The following RBMS3 variants were observed in gnomAD, a reference collection of about 807,000 sequenced individuals.
RBMS3 encodes RNA-binding motif, single-stranded-interacting protein 3.
RBMS3 carries 27 observed loss-of-function variants against 66.8 expected under a neutral mutation model. The ratio of observed to expected loss-of-function variants is 0.40; its 90% confidence interval spans 0.30 to 0.56. RBMS3 has a LOEUF of 0.56. Ranked by LOEUF, RBMS3 falls within the 20% of genes least tolerant of loss-of-function variation. The pLI is 0.40. For missense variants in RBMS3, 513 were observed against 549.5 expected (o/e 0.93, Z 0.66); for synonymous variants, 188 against 183.0 (o/e 1.03, Z -0.22).
In RBMS3 at chr3:29,281,117, T is replaced by G. The variant is rs1253047656; in HGVS notation, c.-565T>G. On this transcript the variant is annotated 5_prime_UTR_variant, in exon 1 of 15. Coordinates refer to ENST00000383767, the MANE Select transcript of RBMS3 (RefSeq NM_001003793.3). ...AGCAGCAACTAAGCTGTACAAGGTT[T>G]TTTTTTTTTTTTTTTCTTCCTTTTT... 5 of 145,074 alleles carry G rather than the reference T, an allele frequency of 3.4e-5. No homozygotes were observed. The highest frequency in any genetic ancestry group is 1.3e-4 in the African/African-American group (5 of 39,286). 9.0% of individuals were successfully genotyped at this position (145,074 alleles called of 1,614,324 possible).
At chr3:29,756,938 C>T (rs1471852179) in intron 5 of RBMS3, among the ~76,000 whole-genome samples, 1 of 152,128 alleles carries the variant, frequency 6.6e-6, no homozygotes, top group African/African-American at 2.4e-5. Flanking sequence ...TGAAAATTTC[C>T]TGAACCTTGT....
chr3:29,599,764 G>A (rs1441259750), intron 4 of RBMS3, among the ~76,000 whole-genome samples: 1 of 152,034 alleles, frequency 6.6e-6, no homozygotes, highest in Non-Finnish European at 1.5e-5. Context: ...ACTCAGAAAA[G>A]GATAGAATAA....
intron 1 of RBMS3, among the ~76,000 whole-genome samples, chr3:29,424,597 A>G (rs1199934980): frequency 6.6e-6 from 1 of 152,178 alleles, no homozygotes; most frequent in Non-Finnish European, 1.5e-5. Context: ...CTATTGTTGA[A>G]TTGCTCCTGT....
At chr3:29,875,203 A>G (rs1410103587) in intron 7 of RBMS3, among the ~76,000 whole-genome samples, 5 of 152,082 alleles carry the variant, frequency 3.3e-5, no homozygotes, top group African/African-American at 1.2e-4. Flanking sequence ...GCCTGCCACA[A>G]GATTCAGAAT....
chr3:29,398,574 T>C (rs1332372344), intron 1 of RBMS3, among the ~76,000 whole-genome samples: 1 of 152,196 alleles, frequency 6.6e-6, no homozygotes, highest in Admixed American at 6.5e-5. Flanking sequence ...GAATTAGAGA[T>C]GAAAAGATCT....
At chr3:29,428,575 A>T (rs1201043121) in intron 1 of RBMS3, among the ~76,000 whole-genome samples, 1 of 51,418 alleles carries the variant, frequency 1.9e-5, no homozygotes, top group Non-Finnish European at 3.4e-5. Flanking sequence ...CTTTCTGTTA[A>T]AAAAAAAAAA....
chr3:29,327,395 G>C (rs944626544), intron 1 of RBMS3, among the ~76,000 whole-genome samples: 2 of 152,104 alleles, frequency 1.3e-5, no homozygotes, highest in African/African-American at 4.8e-5. Flanking sequence ...AAAAGTTAAG[G>C]CTACCTCTAT....
In RBMS3 at chr3:29,673,563, A is replaced by G. The variant is rs9820823; in HGVS notation, c.400-66157A>G. Among the ~76,000 whole-genome samples the G allele has an allele frequency of 9.5e-3, 1,451 of 152,288 alleles. 21 individuals are homozygous for G. Among genetic ancestry groups the G allele is most frequent in the African/African-American group, 0.029 (1,206 of 41,548 alleles). ...TCATATAGACGCAATAAAAAATAAT[A>G]AAAGTGATATCACCACCAATCCCAC... On this transcript the variant is annotated intron_variant, in intron 4 of 14. Coordinates refer to ENST00000383767, the MANE Select transcript of RBMS3 (RefSeq NM_001003793.3).
At chr3:29,574,253 A>C (rs978359088) in intron 3 of RBMS3, among the ~76,000 whole-genome samples, 21 of 152,260 alleles carry the variant, frequency 1.4e-4, no homozygotes, top group African/African-American at 5.1e-4. Flanking sequence ...TGTTGGGTGC[A>C]CATATATTTA....
intron 2 of RBMS3, among the ~76,000 whole-genome samples, chr3:29,452,720 T>C (rs898488857): frequency 1.3e-5 from 2 of 152,152 alleles, no homozygotes; most frequent in Non-Finnish European, 2.9e-5. Context: ...GTAGGGGACC[T>C]AGGTTATAGT....
In RBMS3 at chr3:30,004,072, T is replaced by C. The variant is rs374506679; in HGVS notation, c.*210T>C. 2 of 378,444 alleles carry C rather than the reference T, an allele frequency of 5.3e-6. No individual in the cohort carries two copies. Among genetic ancestry groups the C allele is most frequent in the African/African-American group, 2.1e-5 (1 of 47,980 alleles). The allele number at this position is 378,444 out of a possible 1,614,324, so 23.4% of individuals were successfully genotyped here. A position where few individuals can be genotyped will look rare whatever the true frequency, so the allele number is the denominator to read the frequency against. On this transcript the variant is annotated 3_prime_UTR_variant, in exon 15 of 15. Coordinates refer to ENST00000383767, the MANE Select transcript of RBMS3 (RefSeq NM_001003793.3). ...TTCATGTGGTCTGACAATTTATTTTTGCCATCATTTTTTTAATTAAAGAAA... is the reference window on the plus strand; with the variant it reads ...TTCATGTGGTCTGACAATTTATTTTCGCCATCATTTTTTTAATTAAAGAAA...
chr3:29,964,665 G>A (rs1470936551), intron 12 of RBMS3, among the ~76,000 whole-genome samples: 1 of 152,040 alleles, frequency 6.6e-6, no homozygotes, highest in African/African-American at 2.4e-5. Context: ...GGGGCCAATT[G>A]TATGGTAAAA....
intron 2 of RBMS3, among the ~76,000 whole-genome samples, chr3:29,465,278 C>A (rs1042959798): frequency 1.3e-5 from 2 of 152,094 alleles, no homozygotes; most frequent in Admixed American, 1.3e-4. Flanking sequence ...ATGGATTTAT[C>A]ATTTTTAACT....
chr3:29,790,827 T>C (rs1320232561), intron 6 of RBMS3, among the ~76,000 whole-genome samples: 2 of 152,220 alleles, frequency 1.3e-5, no homozygotes, highest in African/African-American at 2.4e-5. Flanking sequence ...TACTTTGACA[T>C]TGAATAAAAT....
chr3:29,473,863 C>T (rs1045379487), intron 2 of RBMS3, among the ~76,000 whole-genome samples: 5 of 152,258 alleles, frequency 3.3e-5, no homozygotes, highest in Admixed American at 6.5e-5. Flanking sequence ...CGCGCAGCCC[C>T]GGTTCCCGCT....
intron 12 of RBMS3, among the ~76,000 whole-genome samples, chr3:29,975,183 A>C (rs1005990476): frequency 1.3e-5 from 2 of 148,582 alleles, no homozygotes; most frequent in Non-Finnish European, 3.0e-5. Flanking sequence ...CTGTAGATGA[A>C]ATTTAGGTGA....
At chr3:29,489,731 C>G (rs9815793) in intron 3 of RBMS3, among the ~76,000 whole-genome samples, 1 of 142,574 alleles carries the variant, frequency 7.0e-6, no homozygotes, top group African/African-American at 2.6e-5. Flanking sequence ...AGTAGACCCA[C>G]GTAGCTGTAA....
At chr3:29,560,738 T>A (rs573085908) in intron 3 of RBMS3, among the ~76,000 whole-genome samples, 1 of 152,354 alleles carries the variant, frequency 6.6e-6, no homozygotes, top group African/African-American at 2.4e-5. Flanking sequence ...TTTTTAAATG[T>A]CTTTCTTTTA....
chr3:29,295,707 T>G (rs6807880), intron 1 of RBMS3, among the ~76,000 whole-genome samples: 137,290 of 151,566 alleles, frequency 0.91, 62,309 homozygotes, highest in Middle Eastern at 0.93. Context: ...TTTATTGTCA[T>G]ATTAATTGTT....
Sources: gnomAD v4.1 joint callset for allele counts (sites outside exome capture counted in the v4.1 genomes callset) on GRCh38, gnomAD v4.1.1 for gene constraint, MANE v1.5 for transcripts, NCBI Gene and HGNC (gene_info 2026-07-23, HGNC 2026-07-21) for gene names.